The following PTK7 variants were observed in gnomAD, a reference collection of about 807,000 sequenced individuals.
The protein encoded by PTK7 is protein tyrosine kinase 7 (inactive).
PTK7 carries 39 observed loss-of-function variants against 116.6 expected under a neutral mutation model. The observed-to-expected ratio is 0.33, with a 90% CI of 0.26 to 0.44. The LOEUF is 0.44. PTK7 is among the 20% of genes least tolerant of loss of function. PTK7 has a pLI of 1.00. For synonymous variants in PTK7, 546 were observed against 563.6 expected, an observed-to-expected ratio of 0.97 and a Z score of 0.44; for missense variants, 1,169 against 1,425.6, an observed-to-expected ratio of 0.82 and a Z score of 2.90.
At chr6:43,118,683 ATATATG>A (rs1463557860) in intron 1 of PTK7, among the ~76,000 whole-genome samples, 23 of 111,634 alleles carry the variant, frequency 2.1e-4, no homozygotes, top group East Asian at 4.0e-4. Context: ...ATATATATAT[ATATATG>A]TATATATGTA....
chr6:43,087,253 G>A (rs1040138072), intron 1 of PTK7, among the ~76,000 whole-genome samples: 1 of 152,236 alleles, frequency 6.6e-6, no homozygotes, highest in Non-Finnish European at 1.5e-5. Context: ...CCTTCCCTGT[G>A]AGAGGATTTT....
chr6:43,148,429 G>A (rs182258231), intron 17 of PTK7, among the ~76,000 whole-genome samples: 24 of 152,316 alleles, frequency 1.6e-4, no homozygotes, highest in Admixed American at 3.9e-4. Context: ...TGGACAGATG[G>A]TTGTGGTTAA....
chr6:43,159,057 G>T, intron 18 of PTK7, 89 bp downstream of exon 18: 8 of 1,520,408 alleles, frequency 5.3e-6, no homozygotes, highest in Non-Finnish European at 7.2e-6. Context: ...TGTGGGAAAG[G>T]GTTTAGTGCC....
chr6:43,137,332 A>G (rs1250499906), intron 7 of PTK7, among the ~76,000 whole-genome samples: 4 of 152,144 alleles, frequency 2.6e-5, no homozygotes, highest in Admixed American at 6.5e-5. Flanking sequence ...CAAATTCAGG[A>G]TATATTTAGG....
intron 1 of PTK7, among the ~76,000 whole-genome samples, chr6:43,096,237 T>G (rs1767244897): frequency 6.6e-6 from 1 of 152,178 alleles, no homozygotes; most frequent in African/African-American, 2.4e-5. Context: ...GAGCCTCAGG[T>G]TGGAGAGAAA....
chr6:43,125,454 G>A (rs1769233704), intron 1 of PTK7, among the ~76,000 whole-genome samples: 1 of 152,214 alleles, frequency 6.6e-6, no homozygotes, highest in Admixed American at 6.5e-5. Flanking sequence ...GAGTCACGCT[G>A]TCTCTTCTCC....
At chr6:43,108,096 T>C (rs1394899670) in intron 1 of PTK7, among the ~76,000 whole-genome samples, 4 of 142,842 alleles carry the variant, frequency 2.8e-5, no homozygotes, top group African/African-American at 1.1e-4. Context: ...TGCTTTAACT[T>C]TTTTTTTTTT....
At chr6:43,150,500 T>A (rs1770999707) in intron 17 of PTK7, among the ~76,000 whole-genome samples, 1 of 152,198 alleles carries the variant, frequency 6.6e-6, no homozygotes, top group South Asian at 2.1e-4. Flanking sequence ...CAAGTCCACC[T>A]TCTTCTGTTT....
Position 43,130,392 on chromosome 6 carries a change from C to T in PTK7, c.633C>T (p.Ser211=), listed in dbSNP as rs749778625. 8.1e-6 allele frequency: 13 copies of T among 1,608,330 alleles called. No individual in the cohort carries two copies. The highest frequency in any genetic ancestry group is 1.0e-5 in the Non-Finnish European group (12 of 1,176,132). Reference sequence around the variant, plus strand: ...ACAGTGCTTTTGGCCAGGCTTGCAGCAGCCAGAACTTCACCTTGAGCATTG... The same window carrying T: ...ACAGTGCTTTTGGCCAGGCTTGCAGTAGCCAGAACTTCACCTTGAGCATTG... The part of the protein sequence containing the change: ...CAHSAFGQAC[S]SQNFTLSIAD... The change falls in exon 4 of 20, where the codon AGC becomes AGT. Residue 211 remains serine (S), a synonymous_variant. Coordinates refer to ENST00000230419, the MANE Select transcript of PTK7 (RefSeq NM_002821.5).
chr6:43,093,970 C>T (rs756438385), intron 1 of PTK7, among the ~76,000 whole-genome samples: 23 of 152,166 alleles, frequency 1.5e-4, no homozygotes, highest in Non-Finnish European at 2.6e-4. Flanking sequence ...GAAAAAGCAA[C>T]CAGTCAGAGG....
At position 43,116,604 on chromosome 6, in the gene PTK7, T is replaced by TG. The variant is rs765994685; in HGVS notation, c.80-12373_80-12372insG. Among the ~76,000 whole-genome samples, 286 of 119,162 alleles carry TG rather than the reference T, an allele frequency of 2.4e-3. 2 individuals are homozygous for TG. Among genetic ancestry groups the TG allele is most frequent in the African/African-American group, 7.8e-3 (224 of 28,828 alleles). 78.2% of individuals were successfully genotyped at this position (119,162 alleles called of 152,430 possible). ...AGGAAGAAGGCCAGGAAAAGCTGGT[T>TG]TGTGTGTGTGTGTGTGTGTGTGTGT... On this transcript the variant is annotated intron_variant, in intron 1 of 19. Coordinates refer to ENST00000230419, the MANE Select transcript of PTK7 (RefSeq NM_002821.5).
At chr6:43,155,265 C>T (rs532539348) in intron 17 of PTK7, among the ~76,000 whole-genome samples, 1 of 152,204 alleles carries the variant, frequency 6.6e-6, no homozygotes, top group South Asian at 2.1e-4. Flanking sequence ...TCAAGCAATT[C>T]TCCTACCCCA....
chr6:43,131,723 T>G (rs1769692313), intron 5 of PTK7: 1 of 430,118 alleles, frequency 2.3e-6, no homozygotes, highest in Non-Finnish European at 4.3e-6. Flanking sequence ...TAAGATGAGA[T>G]TTGAGTGGGG....
In PTK7 at chr6:43,149,603, A is replaced by C. The variant is rs577941842; in HGVS notation, c.2721+2905A>C. 1.5e-3 allele frequency among the ~76,000 whole-genome samples: 225 copies of C among 152,308 alleles called. 1 individual carries two copies. Among genetic ancestry groups the C allele is most frequent in the African/African-American group, 4.5e-3 (189 of 41,570 alleles). ...TGCAGCAGTATGTGCCTGTAATCCCAGCTACTTGGAAGGCTGAGGCCAGAG... is the reference window on the plus strand; with the variant it reads ...TGCAGCAGTATGTGCCTGTAATCCCCGCTACTTGGAAGGCTGAGGCCAGAG... On this transcript the variant is annotated intron_variant, in intron 17 of 19. Transcript: ENST00000230419.
intron 1 of PTK7, among the ~76,000 whole-genome samples, chr6:43,117,458 G>A (rs1302173552): frequency 6.6e-6 from 1 of 152,212 alleles, no homozygotes; most frequent in East Asian, 1.9e-4. Context: ...GAATTAATGA[G>A]TGAAATGAGA....
chr6:43,096,144 A>G (rs1356471030), intron 1 of PTK7, among the ~76,000 whole-genome samples: 1 of 152,174 alleles, frequency 6.6e-6, no homozygotes, highest in Non-Finnish European at 1.5e-5. Flanking sequence ...AGCTGAATTA[A>G]CAGCTGCCTG....
intron 1 of PTK7, among the ~76,000 whole-genome samples, chr6:43,079,194 C>T (rs559720861): frequency 6.6e-6 from 1 of 152,216 alleles, no homozygotes; most frequent in East Asian, 1.9e-4. Flanking sequence ...GCGGCCAGGC[C>T]TGGTGGCTCA....
chr6:43,099,549 G>T (rs752374407), intron 1 of PTK7, among the ~76,000 whole-genome samples: 14 of 152,028 alleles, frequency 9.2e-5, no homozygotes, highest in African/African-American at 2.9e-4. Flanking sequence ...TACATTCTAG[G>T]TACCCAGTAG....
chr6:43,098,462 T>A (rs1767376523), intron 1 of PTK7, among the ~76,000 whole-genome samples: 1 of 151,986 alleles, frequency 6.6e-6, no homozygotes, highest in Non-Finnish European at 1.5e-5. Flanking sequence ...TTCAAGCAAT[T>A]CTTCTGCCTC....
Sources: allele counts gnomAD v4.1 joint callset (sites outside exome capture counted in the v4.1 genomes callset), GRCh38; gene constraint gnomAD v4.1.1; transcripts MANE v1.5; gene names NCBI Gene and HGNC (gene_info 2026-07-23, HGNC 2026-07-21).